The following RARB variants were observed in gnomAD, a reference collection of about 807,000 sequenced individuals.
RARB encodes the protein HBV-activated protein.
Under a neutral mutation model 51.9 loss-of-function variants are expected in RARB, and 17 were observed. The observed-to-expected ratio is 0.33, with a 90% CI of 0.22 to 0.49. The LOEUF is 0.49. Among genes scored for constraint, RARB ranks in the 20% least tolerant of loss-of-function variants. The pLI is 0.99. For missense variants in RARB, 369 were observed against 550.8 expected (o/e 0.67, Z 3.30); for synonymous variants, 215 against 195.4 (o/e 1.10, Z -0.84).
chr3:25,097,148 G>A (rs1053104564), intron 3 of RARB, among the ~76,000 whole-genome samples: 4 of 152,116 alleles, frequency 2.6e-5, no homozygotes, highest in African/African-American at 9.7e-5. Context: ...TACCCTTCAT[G>A]TTGCCATACT....
At chr3:25,393,986 C>T (rs1254424648) in intron 5 of RARB, among the ~76,000 whole-genome samples, 2 of 151,860 alleles carry the variant, frequency 1.3e-5, no homozygotes, top group African/African-American at 4.8e-5. Flanking sequence ...TTCTCTAGTT[C>T]CTTGAGGTGT....
chr3:24,858,968 T>A (rs1575039009), intron 2 of RARB, among the ~76,000 whole-genome samples: 1 of 126,298 alleles, frequency 7.9e-6, no homozygotes, highest in South Asian at 2.5e-4. Context: ...ACTGGGGAGG[T>A]GGAGGTTGCG....
intron 3 of RARB, among the ~76,000 whole-genome samples, chr3:25,075,741 T>C (rs942665794): frequency 2.0e-5 from 3 of 151,944 alleles, no homozygotes; most frequent in Non-Finnish European, 4.4e-5. Context: ...TGATAAAATA[T>C]TATTTCAGCA....
chr3:25,023,558 T>C (rs1422538030), intron 2 of RARB, among the ~76,000 whole-genome samples: 2 of 151,666 alleles, frequency 1.3e-5, no homozygotes, highest in Non-Finnish European at 2.9e-5. Context: ...ACAAAGGGAG[T>C]CTATCCTTCC....
At chr3:25,053,716 ATCACT>A (rs1206834521) in intron 2 of RARB, among the ~76,000 whole-genome samples, 2 of 152,174 alleles carry the variant, frequency 1.3e-5, no homozygotes, top group Non-Finnish European at 2.9e-5. Context: ...GCTTTTGGAA[ATCACT>A]TTGCTTTGAA....
At chr3:25,415,587 A>C (rs1391373391) in intron 5 of RARB, among the ~76,000 whole-genome samples, 1 of 152,162 alleles carries the variant, frequency 6.6e-6, no homozygotes, top group Non-Finnish European at 1.5e-5. Flanking sequence ...TGTAGGTTGG[A>C]CTTCCCCATT....
At chr3:25,313,906 C>T (rs1330178914) in intron 5 of RARB, among the ~76,000 whole-genome samples, 1 of 151,238 alleles carries the variant, frequency 6.6e-6, no homozygotes, top group Non-Finnish European at 1.5e-5. Flanking sequence ...CTCATCTCTA[C>T]AAAAAAGAAA....
intron 2 of RARB, among the ~76,000 whole-genome samples, chr3:24,899,578 T>A (rs1403471558): frequency 6.6e-6 from 1 of 151,990 alleles, no homozygotes; most frequent in East Asian, 1.9e-4. Flanking sequence ...CCCAGAGGAG[T>A]TTCTGTCGGC....
chr3:25,206,804 C>T (rs1436670733), intron 5 of RARB, among the ~76,000 whole-genome samples: 1 of 152,112 alleles, frequency 6.6e-6, no homozygotes, highest in Non-Finnish European at 1.5e-5. Flanking sequence ...TTCTCCAAAC[C>T]CTGACTACTT....
At chr3:25,414,679 T>A (rs563276612) in intron 5 of RARB, among the ~76,000 whole-genome samples, 2 of 152,234 alleles carry the variant, frequency 1.3e-5, no homozygotes, top group Non-Finnish European at 2.9e-5. Context: ...CTAATGATGT[T>A]CAGCATTGTT....
At chr3:25,448,127 T>G (rs1709029900) in intron 1 of RARB, among the ~76,000 whole-genome samples, 1 of 151,690 alleles carries the variant, frequency 6.6e-6, no homozygotes, top group South Asian at 2.1e-4. Context: ...AGCCAGTAAG[T>G]AGGAGAGTGA....
At chr3:24,938,350 C>T (rs1249282900) in intron 2 of RARB, among the ~76,000 whole-genome samples, 4 of 152,156 alleles carry the variant, frequency 2.6e-5, no homozygotes, top group Non-Finnish European at 5.9e-5. Context: ...CGTATGTTTC[C>T]TTTCAGACTC....
At chr3:24,889,175 T>C (rs1703324071) in intron 2 of RARB, among the ~76,000 whole-genome samples, 1 of 152,188 alleles carries the variant, frequency 6.6e-6, no homozygotes, top group African/African-American at 2.4e-5. Context: ...TCTTTTCCTT[T>C]GTTTTGACTT....
intron 2 of RARB, among the ~76,000 whole-genome samples, chr3:24,871,204 C>T (rs556791044): frequency 9.2e-5 from 14 of 152,060 alleles, no homozygotes; most frequent in African/African-American, 2.9e-4. Flanking sequence ...ACAGTAACAC[C>T]TTATTAGGTT....
At chr3:25,082,646 G>A (rs1314029852) in intron 3 of RARB, among the ~76,000 whole-genome samples, 2 of 151,636 alleles carry the variant, frequency 1.3e-5, no homozygotes, top group Non-Finnish European at 2.9e-5. Flanking sequence ...TATTATTCTT[G>A]CTTTAAGCGA....
At chr3:25,216,869 CTT>C (rs1701846412) in intron 5 of RARB, among the ~76,000 whole-genome samples, 3 of 151,972 alleles carry the variant, frequency 2.0e-5, no homozygotes, top group Admixed American at 6.6e-5. Flanking sequence ...CAGATCATCT[CTT>C]GTTTCCCTTG....
chr3:25,170,369 T>G (rs1053944313), intron 4 of RARB, among the ~76,000 whole-genome samples: 1 of 152,154 alleles, frequency 6.6e-6, no homozygotes, highest in African/African-American at 2.4e-5. Flanking sequence ...GTTAGCTGCA[T>G]CGGAGTCCTC....
intron 4 of RARB, among the ~76,000 whole-genome samples, chr3:25,148,272 T>G (rs1036670036): frequency 1.3e-5 from 2 of 150,758 alleles, no homozygotes; most frequent in African/African-American, 4.9e-5. Flanking sequence ...TTCAATTCAC[T>G]GGCTAGAGAC....
intron 5 of RARB, among the ~76,000 whole-genome samples, chr3:25,247,250 G>T (rs1439220772): frequency 6.6e-6 from 1 of 152,236 alleles, no homozygotes; most frequent in Non-Finnish European, 1.5e-5. Context: ...GTCTTAGCTT[G>T]CTGGGCTCTG....
Sources: allele counts gnomAD v4.1 joint callset (sites outside exome capture counted in the v4.1 genomes callset), GRCh38; gene constraint gnomAD v4.1.1; transcripts MANE v1.5; gene names NCBI Gene and HGNC (gene_info 2026-07-23, HGNC 2026-07-21).